The following FRMD5 variants were observed in gnomAD, a reference collection of about 807,000 sequenced individuals.
The protein encoded by FRMD5 is FERM domain-containing protein 5.
In FRMD5, 20 loss-of-function variants were observed where a neutral mutation model predicts 69.0. That is an observed-to-expected ratio of 0.29 (90% CI 0.20 to 0.42). The LOEUF (loss-of-function observed/expected upper bound fraction) is 0.42, where lower values mean the gene tolerates loss of function less well. FRMD5 is among the 10% of genes least tolerant of loss of function. The pLI, the probability that FRMD5 is intolerant of heterozygous loss-of-function variation, is 1.00. For synonymous variants in FRMD5, 271 were observed against 260.1 expected (o/e 1.04, Z -0.40); for missense variants, 595 against 708.6 (o/e 0.84, Z 1.82).
At chr15:44,122,977 G>C (rs1375992367) in intron 1 of FRMD5, among the ~76,000 whole-genome samples, 3 of 152,162 alleles carry the variant, frequency 2.0e-5, no homozygotes, top group East Asian at 1.9e-4. Context: ...TTTCAGTGAT[G>C]ATGAGCCTGA....
chr15:43,996,190 C>A (rs1051745980), intron 1 of FRMD5, among the ~76,000 whole-genome samples: 1 of 151,686 alleles, frequency 6.6e-6, no homozygotes, highest in African/African-American at 2.4e-5. Context: ...GAGGCAGGGT[C>A]CACTGAGCAG....
At chr15:44,077,447 G>A (rs1456018933) in intron 1 of FRMD5, among the ~76,000 whole-genome samples, 1 of 151,852 alleles carries the variant, frequency 6.6e-6, no homozygotes, top group African/African-American at 2.4e-5. Context: ...AACCAAAACT[G>A]TAAGAGATTA....
chr15:44,112,599 TGGGA>T lies in FRMD5; in HGVS notation c.102+82350_102+82353del, dbSNP rs2140595977. ...CTCCTGCCTCAGCCTCCGGAGTAGC[TGGGA>T]CTACAGGCGCCCGCCACCATGCCCT... is the stretch of plus-strand genomic sequence containing the variant. On this transcript the variant is annotated intron_variant, in intron 1 of 13. Coordinates refer to ENST00000417257, the MANE Select transcript of FRMD5 (RefSeq NM_032892.5). Among the ~76,000 whole-genome samples, 3 of 152,146 alleles carry T rather than the reference TGGGA, an allele frequency of 2.0e-5. No homozygotes were observed. The East Asian group carries it at 5.8e-4, about 29-fold the overall frequency.
At chr15:44,135,627 G>C (rs937896267) in intron 1 of FRMD5, among the ~76,000 whole-genome samples, 4 of 152,038 alleles carry the variant, frequency 2.6e-5, no homozygotes, top group Admixed American at 2.6e-4. Context: ...AGGAGTTCAA[G>C]ACCAGCCTGG....
At chr15:44,112,486 A>C (rs1327907551) in intron 1 of FRMD5, among the ~76,000 whole-genome samples, 1 of 137,694 alleles carries the variant, frequency 7.3e-6, no homozygotes, top group Admixed American at 7.1e-5. Context: ...TTTTTTTTTT[A>C]GATGGAGTCT....
intron 1 of FRMD5, among the ~76,000 whole-genome samples, chr15:44,153,079 T>A (rs186012817): frequency 5.9e-5 from 9 of 152,316 alleles, no homozygotes; most frequent in African/African-American, 2.2e-4. Context: ...GGACAGGATG[T>A]GGAGAAACTG....
At chr15:43,986,836 C>G (rs986174183) in intron 1 of FRMD5, among the ~76,000 whole-genome samples, 1 of 151,620 alleles carries the variant, frequency 6.6e-6, no homozygotes, top group African/African-American at 2.4e-5. Flanking sequence ...TTGTAGCAAG[C>G]CTGCATTGAG....
intron 1 of FRMD5, among the ~76,000 whole-genome samples, chr15:44,089,176 G>A (rs1894327046): frequency 6.6e-6 from 1 of 152,126 alleles, no homozygotes; most frequent in Non-Finnish European, 1.5e-5. Context: ...ATCTATCCAT[G>A]TTTCTCACAT....
At chr15:44,138,940 C>T (rs142185555) in intron 1 of FRMD5, among the ~76,000 whole-genome samples, 7 of 152,052 alleles carry the variant, frequency 4.6e-5, no homozygotes, top group Non-Finnish European at 7.4e-5. Flanking sequence ...ATGACTGGGG[C>T]GACAGAAAAG....
intron 1 of FRMD5, among the ~76,000 whole-genome samples, chr15:44,048,724 T>C (rs1277117177): frequency 6.6e-6 from 1 of 152,064 alleles, no homozygotes; most frequent in African/African-American, 2.4e-5. Flanking sequence ...AGGTGCTCAC[T>C]ACCATGCCTG....
intron 1 of FRMD5, among the ~76,000 whole-genome samples, chr15:44,051,418 CCAGTTTTAAAGATATTA>C (rs1298080327): frequency 1.3e-5 from 2 of 150,072 alleles, no homozygotes; most frequent in African/African-American, 4.9e-5. Flanking sequence ...AAAAATTAGC[CCAGTTTTAAAGATATTA>C]CAGTTTTAAA....
intron 1 of FRMD5, among the ~76,000 whole-genome samples, chr15:44,106,799 AC>A (rs2076725991): frequency 6.6e-6 from 1 of 152,214 alleles, no homozygotes; most frequent in African/African-American, 2.4e-5. Context: ...GACTGAAAAT[AC>A]AAAGCTGCTT....
intron 1 of FRMD5, among the ~76,000 whole-genome samples, chr15:44,174,796 G>C (rs1174655187): frequency 6.6e-6 from 1 of 151,962 alleles, no homozygotes; most frequent in Non-Finnish European, 1.5e-5. Context: ...CAGAATCTTG[G>C]GTAAGTCAAT....
intron 1 of FRMD5, among the ~76,000 whole-genome samples, chr15:43,944,106 G>A (rs12439442): frequency 0.11 from 16,381 of 152,234 alleles, 1,362 homozygotes; most frequent in African/African-American, 0.22. Context: ...ATCTGAAACT[G>A]GGTAATTTAT....
At chr15:44,104,026 A>G (rs1013817892) in intron 1 of FRMD5, among the ~76,000 whole-genome samples, 1 of 152,208 alleles carries the variant, frequency 6.6e-6, no homozygotes, top group Non-Finnish European at 1.5e-5. Flanking sequence ...TTTATGTATT[A>G]TTATACTATA....
intron 10 of FRMD5, 95 bp downstream of exon 10, chr15:43,888,080 C>T: frequency 2.2e-6 from 2 of 928,538 alleles, no homozygotes; most frequent in East Asian, 2.5e-5. Context: ...TTCCAGCTAC[C>T]CCGCCCCAAG....
In FRMD5 at chr15:44,195,129, T is replaced by C; in HGVS notation, c.-75A>G. On this transcript the variant is annotated 5_prime_UTR_variant, in exon 1 of 14. Coordinates refer to ENST00000417257, the MANE Select transcript of FRMD5 (RefSeq NM_032892.5). The stretch of plus-strand genomic sequence containing the variant: ...ACCAGGCGTCCCTCAGCCCGGCAGC[T>C]CCGCACCGACCCCAGGCACCTGCAC... 8.2e-7 allele frequency: 1 copy of C among 1,222,094 alleles called. No individual in the cohort carries two copies. The highest frequency in any genetic ancestry group is 1.1e-6 in the Non-Finnish European group (1 of 908,304). 75.7% of individuals were successfully genotyped at this position (1,222,094 alleles called of 1,614,324 possible). A position where few individuals can be genotyped will look rare whatever the true frequency, so the allele number is the denominator to read the frequency against.
intron 1 of FRMD5, among the ~76,000 whole-genome samples, chr15:43,947,687 G>A (rs985783120): frequency 6.6e-6 from 1 of 152,146 alleles, no homozygotes; most frequent in Non-Finnish European, 1.5e-5. Flanking sequence ...CACACCCAGG[G>A]AGACAGCACA....
chr15:44,186,270 C>T (rs2078099762), intron 1 of FRMD5, among the ~76,000 whole-genome samples: 1 of 152,146 alleles, frequency 6.6e-6, no homozygotes, highest in African/African-American at 2.4e-5. Context: ...TGGTTCAAGT[C>T]TAACAAAACA....
Sources: allele counts gnomAD v4.1 joint callset (sites outside exome capture counted in the v4.1 genomes callset), GRCh38; gene constraint gnomAD v4.1.1; transcripts MANE v1.5; gene names NCBI Gene and HGNC (gene_info 2026-07-23, HGNC 2026-07-21).